The following AXL variants were observed in gnomAD, a reference collection of about 807,000 sequenced individuals.
AXL encodes the protein AXL receptor tyrosine kinase, also known as tyrosine-protein kinase receptor UFO.
A neutral mutation model predicts 104.5 loss-of-function variants in AXL; 52 were observed. The observed-to-expected ratio is 0.50, with a 90% CI of 0.40 to 0.63. AXL has a LOEUF of 0.63. AXL is among the 20% of genes least tolerant of loss of function. The pLI, the probability that AXL is intolerant of heterozygous loss-of-function variation, is 0.00. For synonymous variants in AXL, 455 were observed against 473.7 expected, an observed-to-expected ratio of 0.96 and a Z score of 0.51; for missense variants, 1,024 against 1,188.5, an observed-to-expected ratio of 0.86 and a Z score of 2.04.
At chr19:41,238,676 G>C in intron 8 of AXL, 67 bp downstream of exon 8, 1 of 1,525,508 alleles carries the variant, frequency 6.6e-7, no homozygotes, top group Non-Finnish European at 8.8e-7. Context: ...TATCAGGGCA[G>C]ACATAGATGG....
intron 6 of AXL, among the ~76,000 whole-genome samples, chr19:41,237,403 C>G (rs920539087): frequency 3.3e-5 from 5 of 152,252 alleles, no homozygotes; most frequent in African/African-American, 1.2e-4. Flanking sequence ...CCACCACATC[C>G]AGCTAATTTT....
intron 7 of AXL, 51 bp from the exon 8 acceptor site, chr19:41,238,419 G>A (rs372808802): frequency 1.3e-6 from 2 of 1,588,814 alleles, no homozygotes; most frequent in Non-Finnish European, 8.6e-7. Context: ...AACAGGGGAG[G>A]GGGTCAGGAA....
At chr19:41,222,621 CAG>C (rs2033811395) in intron 4 of AXL, among the ~76,000 whole-genome samples, 1 of 152,142 alleles carries the variant, frequency 6.6e-6, no homozygotes, top group Non-Finnish European at 1.5e-5. Flanking sequence ...AAGTAGGAGA[CAG>C]AGGCTGGGCG....
intron 8 of AXL, 115 bp from the exon 9 acceptor site, chr19:41,239,049 G>T: frequency 8.4e-7 from 1 of 1,193,176 alleles, no homozygotes. Context: ...GAAGGATGAG[G>T]AGTTGGAGGA....
intron 10 of AXL, among the ~76,000 whole-genome samples, chr19:41,241,264 G>A (rs976587064): frequency 6.6e-6 from 1 of 152,088 alleles, no homozygotes; most frequent in Non-Finnish European, 1.5e-5. Flanking sequence ...CATTGTGGCC[G>A]GGTGCAATGG....
At position 41,245,918 on chromosome 19, in the gene AXL, A is replaced by G. The variant is rs116377018; in HGVS notation, c.1537+2211A>G. Among the ~76,000 whole-genome samples the G allele has an allele frequency of 6.4e-4, 98 of 152,280 alleles. 1 individual carries two copies. The highest frequency in any genetic ancestry group is 2.3e-3 in the African/African-American group (95 of 41,568). The stretch of plus-strand genomic sequence containing the variant: ...GATGTCCCAGTGATTTAACTGAGTA[A>G]CATACAGCATCCATTCTCAGGGTGT... On this transcript the variant is annotated intron_variant, in intron 12 of 19. Coordinates refer to ENST00000301178, the MANE Select transcript of AXL (RefSeq NM_021913.5).
intron 8 of AXL, 90 bp downstream of exon 8, chr19:41,238,699 G>A (rs1278085768): frequency 6.8e-7 from 1 of 1,476,280 alleles, no homozygotes; most frequent in East Asian, 2.4e-5. Context: ...GTGAAGGTTG[G>A]GTAGTACACA....
intron 1 of AXL, among the ~76,000 whole-genome samples, chr19:41,219,858 G>A (rs2033754435): frequency 6.6e-6 from 1 of 151,606 alleles, no homozygotes; most frequent in Non-Finnish European, 1.5e-5. Flanking sequence ...GTGGGATGAG[G>A]AGGGCTCTGG....
intron 6 of AXL, among the ~76,000 whole-genome samples, chr19:41,236,267 A>G (rs2034076873): frequency 1.4e-5 from 2 of 146,688 alleles, no homozygotes; most frequent in Admixed American, 1.4e-4. Flanking sequence ...CAGGAGGCGG[A>G]GGTTGCAGTG....
rs185712004 is a variant in AXL at position 41,220,573 on chromosome 19, T to C, written c.86-63T>C. The C allele has an allele frequency of 2.5e-4, 359 of 1,428,238 alleles. 3 individuals are homozygous for C. The African/African-American group carries it at 4.3e-3, about 17-fold the overall frequency. 88.5% of individuals were successfully genotyped at this position (1,428,238 alleles called of 1,614,324 possible). ...CGCCGGTGGGCAGGCAAGGACAGGG[T>C]GGAACTGAGGGCCGGAAGGAGCTGG... On this transcript the variant is annotated intron_variant, in intron 1 of 19. Coordinates refer to ENST00000301178, the MANE Select transcript of AXL (RefSeq NM_021913.5).
rs769662670 is a variant in AXL at position 41,231,053 on chromosome 19, A to C, written c.667+6A>C. ...CCGCACAGCCACCATCACAGGTGAC[A>C]GAGTTGGGAGGTGGGGAGCTGGGCG... On this transcript the variant is annotated splice_donor_region_variant and intron_variant, in intron 5 of 19. Coordinates refer to ENST00000301178, the MANE Select transcript of AXL (RefSeq NM_021913.5). 1 of 1,613,872 alleles carries C rather than the reference A, an allele frequency of 6.2e-7. No homozygotes were observed. Among genetic ancestry groups the C allele is most frequent in the African/African-American group, 1.3e-5 (1 of 75,006 alleles).
chr19:41,256,524 C>T lies in AXL; in HGVS notation c.2109C>T (p.Tyr703=), dbSNP rs201240568. 6.2e-7 allele frequency: 1 copy of T among 1,614,206 alleles called. No homozygotes were observed. Among genetic ancestry groups the T allele is most frequent in the Non-Finnish European group, 8.5e-7 (1 of 1,180,024 alleles). ...AGAAGATCTACAATGGGGACTACTACCGCCAGGGACGTATCGCCAAGATGC... is the reference window on the plus strand; with the variant it reads ...AGAAGATCTACAATGGGGACTACTATCGCCAGGGACGTATCGCCAAGATGC... ...LSKKIYNGDY[Y]RQGRIAKMPV... Residue 703 remains tyrosine (Y), a synonymous_variant, in exon 18 of 20, where the codon TAC becomes TAT. Coordinates refer to ENST00000301178, the MANE Select transcript of AXL (RefSeq NM_021913.5).
chr19:41,248,377 T>C, intron 12 of AXL, 137 bp from the exon 13 acceptor site: 1 of 829,284 alleles, frequency 1.2e-6, no homozygotes, highest in South Asian at 1.6e-5. Context: ...AGAGGGGTGC[T>C]CAGGGCAGTT....
chr19:41,248,533 T>A lies in AXL; in HGVS notation c.1557T>A (p.Ser519Arg). The change falls in exon 13 of 20, where the codon AGT becomes AGA. Residue 519 changes from serine to arginine, a missense_variant. By Grantham distance (110) the Ser-to-Arg change is moderately radical. Coordinates refer to ENST00000301178, the MANE Select transcript of AXL (RefSeq NM_021913.5). ...TEATLNSLGISEELKEKLRDV... is the reference protein window; with the variant it reads ...TEATLNSLGIREELKEKLRDV... ...ATGCAGTGAACAGCCTGGGCATCAG[T>A]GAAGAGCTGAAGGAGAAGCTGCGGG... is the stretch of plus-strand genomic sequence containing the variant. The A allele has an allele frequency of 6.2e-7, 1 of 1,614,112 alleles. No individual in the cohort carries two copies. The highest frequency in any genetic ancestry group is 1.7e-5 in the Admixed American group (1 of 60,016).
At chr19:41,229,611 G>A (rs1198624876) in intron 4 of AXL, among the ~76,000 whole-genome samples, 1 of 152,176 alleles carries the variant, frequency 6.6e-6, no homozygotes, top group Non-Finnish European at 1.5e-5. Flanking sequence ...ACTGAGAGGT[G>A]TTGTTGAGGA....
At chr19:41,230,153 T>TTGTTTCTGTG (rs773428854) in intron 4 of AXL, among the ~76,000 whole-genome samples, 1 of 112,140 alleles carries the variant, frequency 8.9e-6, no homozygotes, top group Admixed American at 8.4e-5. Flanking sequence ...CTGTGTCTGT[T>TTGTTTCTGTG]TCTGTGTCTG....
At chr19:41,219,904 AC>A (rs1248558101) in intron 1 of AXL, among the ~76,000 whole-genome samples, 1 of 149,176 alleles carries the variant, frequency 6.7e-6, no homozygotes, top group Admixed American at 6.7e-5. Context: ...TGCCAACACC[AC>A]CCCCCTGACC....
intron 14 of AXL, among the ~76,000 whole-genome samples, chr19:41,249,752 T>C (rs2034331307): frequency 6.7e-6 from 1 of 149,806 alleles, no homozygotes; most frequent in Non-Finnish European, 1.5e-5. Flanking sequence ...CAAGACTCCG[T>C]CTGAAAAAAA....
Position 41,233,182 on chromosome 19 carries a change from G to A in AXL, c.783+1884G>A, listed in dbSNP as rs560128367. 1.1e-4 allele frequency among the ~76,000 whole-genome samples: 17 copies of A among 151,976 alleles called. No homozygotes were observed. The East Asian group carries it at 3.3e-3, about 30-fold the overall frequency. On this transcript the variant is annotated intron_variant, in intron 6 of 19. Transcript: ENST00000301178. ...TTTTTGTATTTTTAGTAGAGACAGG[G>A]TTTCACCATGTTGGTCAGGCTGGTC...
Sources: gnomAD v4.1 joint callset for allele counts (sites outside exome capture counted in the v4.1 genomes callset) on GRCh38, gnomAD v4.1.1 for gene constraint, MANE v1.5 for transcripts, NCBI Gene and HGNC (gene_info 2026-07-23, HGNC 2026-07-21) for gene names.